Variants in INPP5A observed in about 807,000 individuals in gnomAD.
The protein encoded by INPP5A is 43 kDa inositol polyphosphate 5-phophatase.
Under a neutral mutation model 65.2 loss-of-function variants are expected in INPP5A, and 14 were observed. The observed-to-expected ratio is 0.21, with a 90% CI of 0.14 to 0.34. INPP5A has a LOEUF of 0.34. Ranked by LOEUF, INPP5A falls within the 10% of genes least tolerant of loss-of-function variation. The pLI is 1.00. For synonymous variants in INPP5A, 207 were observed against 208.3 expected (o/e 0.99, Z 0.05); for missense variants, 431 against 545.6 (o/e 0.79, Z 2.09).
chr10:132,713,196 GT>G (rs1845679500), intron 8 of INPP5A, among the ~76,000 whole-genome samples: 1 of 151,918 alleles, frequency 6.6e-6, no homozygotes, highest in South Asian at 2.1e-4. Flanking sequence ...ATGTGCACAT[GT>G]ATGTGTGTAG....
At position 132,603,638 on chromosome 10, in the gene INPP5A, CATTTTAAT is replaced by C. The variant is rs573600476; in HGVS notation, c.76-4276_76-4269del. On this transcript the variant is annotated intron_variant, in intron 1 of 15. Transcript: ENST00000368594. The surrounding 1 kb of genome is among the most constrained non-coding windows in gnomAD (Gnocchi z 4.2). ...TTGAAGAATGTAGCGTTTAAGAATA[CATTTTAAT>C]TTTAGAGCACGTTTATGAATGCTCT... Among the ~76,000 whole-genome samples the C allele has an allele frequency of 1.9e-3, 293 of 152,336 alleles. 1 individual carries two copies. The highest frequency in any genetic ancestry group is 6.6e-3 in the African/African-American group (276 of 41,572).
At position 132,772,551 on chromosome 10, in the gene INPP5A, A is replaced by G. The variant is rs111583733; in HGVS notation, c.978-5120A>G. Among the ~76,000 whole-genome samples the G allele has an allele frequency of 5.1e-3, 441 of 85,884 alleles. 1 individual carries two copies. Among genetic ancestry groups the G allele is most frequent in the African/African-American group, 0.015 (327 of 22,502 alleles). The allele number at this position is 85,884 out of a possible 152,430, so 56.3% of individuals were successfully genotyped here. ...TGGGACGGACACTCAGCACTGACAC[A>G]GAGGCCACGGCAGCCACCCCACGAG... On this transcript the variant is annotated intron_variant, in intron 12 of 15. Coordinates refer to ENST00000368594, the MANE Select transcript of INPP5A (RefSeq NM_005539.5).
chr10:132,558,815 C>T (rs184136789), intron 1 of INPP5A, among the ~76,000 whole-genome samples: 151 of 152,354 alleles, frequency 9.9e-4, no homozygotes, highest in African/African-American at 3.4e-3. Flanking sequence ...CTTTTGAAGC[C>T]GGCAGTCGCC....
At chr10:132,761,053 C>T (rs1387547947) in intron 11 of INPP5A, among the ~76,000 whole-genome samples, 4 of 152,230 alleles carry the variant, frequency 2.6e-5, no homozygotes, top group African/African-American at 9.6e-5. Flanking sequence ...AAGCCAGGCT[C>T]TTTGGATTCT....
chr10:132,717,793 T>C (rs1845769123), intron 8 of INPP5A, among the ~76,000 whole-genome samples: 2 of 147,226 alleles, frequency 1.4e-5, no homozygotes, highest in African/African-American at 5.3e-5. Flanking sequence ...ACGACTGTCT[T>C]CAGGGTTCTG....
intron 9 of INPP5A, among the ~76,000 whole-genome samples, chr10:132,740,321 C>G (rs1220818827): frequency 6.6e-6 from 1 of 152,204 alleles, no homozygotes. Flanking sequence ...CCCCTCGATT[C>G]TGAGCAGTGG....
chr10:132,582,779 A>G (rs890257507), intron 1 of INPP5A, among the ~76,000 whole-genome samples: 1 of 152,184 alleles, frequency 6.6e-6, no homozygotes, highest in African/African-American at 2.4e-5. Context: ...TTATTTCTGG[A>G]TTCGCTATTC....
intron 12 of INPP5A, among the ~76,000 whole-genome samples, chr10:132,770,805 C>T (rs1250678944): frequency 1.3e-5 from 2 of 152,244 alleles, no homozygotes; most frequent in African/African-American, 2.4e-5. Flanking sequence ...ACACACAGGT[C>T]CCGGGAAATC....
chr10:132,575,380 C>A lies in INPP5A; in HGVS notation c.76-32535C>A, dbSNP rs1006381994. Among the ~76,000 whole-genome samples the A allele has an allele frequency of 2.0e-5, 3 of 152,156 alleles. No individual in the cohort carries two copies. The South Asian group carries it at 6.2e-4, about 31-fold the overall frequency. ...TGTGGCTAGCCTGCTCCCAGCCCCC[C>A]GCAGCTCACAGGGTCAGGATGGGAG... On this transcript the variant is annotated intron_variant, in intron 1 of 15. Coordinates refer to ENST00000368594, the MANE Select transcript of INPP5A (RefSeq NM_005539.5). The surrounding 1 kb of genome is among the most constrained non-coding windows in gnomAD (Gnocchi z 5.4).
intron 6 of INPP5A, among the ~76,000 whole-genome samples, chr10:132,699,290 C>T (rs117147536): frequency 0.028 from 3,886 of 139,262 alleles, 69 homozygotes; most frequent in Middle Eastern, 0.048. Context: ...CTCTTGAACC[C>T]GGGCAAGGCT....
At position 132,742,343 on chromosome 10, in the gene INPP5A, G is replaced by A. The variant is rs113033347; in HGVS notation, c.733-7174G>A. 7.0e-3 allele frequency among the ~76,000 whole-genome samples: 1,060 copies of A among 152,346 alleles called. 10 individuals carry two copies. The highest frequency in any genetic ancestry group is 0.024 in the African/African-American group (1,017 of 41,592). ...AGGAAGCCTTCGCACAGTGGCACCAGCTCTCAGAGGCGACACCACGCCTTG... is the reference window on the plus strand; with the variant it reads ...AGGAAGCCTTCGCACAGTGGCACCAACTCTCAGAGGCGACACCACGCCTTG... On this transcript the variant is annotated intron_variant, in intron 9 of 15. Transcript: ENST00000368594.
chr10:132,717,004 C>T (rs950953311), intron 8 of INPP5A, among the ~76,000 whole-genome samples: 1 of 152,216 alleles, frequency 6.6e-6, no homozygotes, highest in Non-Finnish European at 1.5e-5. Context: ...CCAGGATGCC[C>T]CCAGCCCCAA....
intron 5 of INPP5A, among the ~76,000 whole-genome samples, chr10:132,692,145 CAG>C (rs754193795): frequency 9.9e-5 from 15 of 152,078 alleles, no homozygotes; most frequent in Non-Finnish European, 1.8e-4. Context: ...ACCTAGAAAT[CAG>C]AAACAGTACC....
rs2071046486 is a variant in INPP5A, at chr10:132,551,340, C to T, written c.75+13169C>T. On this transcript the variant is annotated intron_variant, in intron 1 of 15. Transcript: ENST00000368594. This position sits in a 1 kb window ranked among gnomAD's most constrained non-coding sequence, Gnocchi z 5.3. Reference sequence around the variant, plus strand: ...TGACTGCCTGCTGCTTTGTTTCTTGCAAAGAGTGCCTTAGTTAGGGGACAG... The same window carrying T: ...TGACTGCCTGCTGCTTTGTTTCTTGTAAAGAGTGCCTTAGTTAGGGGACAG... Among the ~76,000 whole-genome samples the T allele has an allele frequency of 6.6e-6, 1 of 152,174 alleles. No homozygotes were observed. The highest frequency in any genetic ancestry group is 6.5e-5 in the Admixed American group (1 of 15,286).
Position 132,650,340 on chromosome 10 carries a change from C to A in INPP5A, c.219-78C>A. On this transcript the variant is annotated intron_variant, in intron 3 of 15. Transcript: ENST00000368594. The surrounding 1 kb of genome is among the most constrained non-coding windows in gnomAD (Gnocchi z 5.5). The stretch of plus-strand genomic sequence containing the variant: ...GATGTACCTATGTGCTGGAGCCCCT[C>A]TTATACCTTGTGGTCATCTCATGAG... 1.0e-6 allele frequency: 1 copy of A among 953,484 alleles called. No individual in the cohort carries two copies. Among genetic ancestry groups the A allele is most frequent in the Non-Finnish European group, 1.7e-6 (1 of 583,674 alleles). 59.1% of individuals were successfully genotyped at this position (953,484 alleles called of 1,614,324 possible).
rs560836900 is a variant in INPP5A at position 132,705,328 on chromosome 10, G to A, written c.475-2985G>A. 3.3e-5 allele frequency among the ~76,000 whole-genome samples: 5 copies of A among 152,316 alleles called. No homozygotes were observed. The highest frequency in any genetic ancestry group is 1.9e-4 in the East Asian group (1 of 5,182). On this transcript the variant is annotated intron_variant, in intron 6 of 15. Transcript: ENST00000368594. The surrounding 1 kb of genome is among the most constrained non-coding windows in gnomAD (Gnocchi z 4.9). ...AGGGAGCCTGCCACCCCGCCACCCC[G>A]CCATAGAGCTCCCTGGGTCGTCTGG...
At chr10:132,711,686 C>A (rs548869625) in intron 8 of INPP5A, among the ~76,000 whole-genome samples, 1 of 152,258 alleles carries the variant, frequency 6.6e-6, no homozygotes, top group African/African-American at 2.4e-5. Flanking sequence ...CATCCTCAGA[C>A]GCCGACCTTC....
Position 132,749,726 on chromosome 10 carries a change from A to G in INPP5A, c.829-45A>G, listed in dbSNP as rs1317285262. On this transcript the variant is annotated intron_variant, in intron 10 of 15. Transcript: ENST00000368594. ...CGGTGGGGGCTAGGGGACACGCACA[A>G]GGCTGGGGGAGCTCAGGTGCTCATG... The G allele has an allele frequency of 1.9e-6, 3 of 1,602,228 alleles. No individual in the cohort carries two copies. The African/African-American group carries it at 4.0e-5, about 21-fold the overall frequency.
intron 4 of INPP5A, among the ~76,000 whole-genome samples, chr10:132,689,996 C>G (rs527931860): frequency 1.3e-5 from 2 of 152,348 alleles, no homozygotes; most frequent in African/African-American, 4.8e-5. Flanking sequence ...ACCTGCGCCC[C>G]TGCTGGAGCC....
Sources: gnomAD v4.1 joint callset for allele counts (sites outside exome capture counted in the v4.1 genomes callset) on GRCh38, gnomAD v4.1.1 for gene constraint, Gnocchi (gnomAD v3.1) non-coding constraint, MANE v1.5 for transcripts, NCBI Gene and HGNC (gene_info 2026-07-23, HGNC 2026-07-21) for gene names.